Variants in PCDHGB1 observed in about 807,000 individuals in gnomAD.
PCDHGB1 encodes the protein protocadherin gamma subfamily B, 1.
In PCDHGB1, 34 loss-of-function variants were observed where a neutral mutation model predicts 56.6. The observed-to-expected ratio is 0.60, with a 90% CI of 0.46 to 0.80. The LOEUF (loss-of-function observed/expected upper bound fraction) is 0.80, where lower values mean the gene tolerates loss of function less well. PCDHGB1 is among the 30% of genes least tolerant of loss of function. The pLI is 0.00. For missense variants in PCDHGB1, 1,278 were observed against 1,204.6 expected, an observed-to-expected ratio of 1.06 and a Z score of -0.90; for synonymous variants, 561 against 505.9, an observed-to-expected ratio of 1.11 and a Z score of -1.46.
intron 1 of PCDHGB1, chr5:141,426,597 T>C (rs2096946172): frequency 2.6e-6 from 1 of 377,476 alleles, no homozygotes. Context: ...TGTCATACCC[T>C]TAGAGATTGT....
In PCDHGB1 at chr5:141,486,336, G is replaced by A. The variant is rs534793835; in HGVS notation, c.2410-8471G>A. 3.8e-5 allele frequency: 61 copies of A among 1,613,992 alleles called. No individual in the cohort carries two copies. In the African/African-American group the frequency reaches 4.3e-4, roughly 11 times the overall value. On this transcript the variant is annotated intron_variant, in intron 1 of 3. Coordinates refer to ENST00000523390, the MANE Select transcript of PCDHGB1 (RefSeq NM_018922.3). The surrounding 1 kb of genome is among the most constrained non-coding windows in gnomAD (Gnocchi z 5.0). The stretch of plus-strand genomic sequence containing the variant: ...GGGTCAAACGGAGATGTGAGCCTCC[G>A]CATTCCTGACCACTTGCCATTTGCC...
Position 141,389,558 on chromosome 5 carries a change from A to G in PCDHGB1, c.2409+36889A>G, listed in dbSNP as rs778077135. 14 of 1,613,148 alleles carry G rather than the reference A, an allele frequency of 8.7e-6. No individual in the cohort carries two copies. The East Asian group carries it at 8.9e-5, about 10-fold the overall frequency. ...TGGACGACCGCAACGACAATGCGCC[A>G]CGGGTGCTGTACCCCGCGCTGGGTC... On this transcript the variant is annotated intron_variant, in intron 1 of 3. Transcript: ENST00000523390.
At chr5:141,371,248 G>T in intron 1 of PCDHGB1, 1 of 1,614,024 alleles carries the variant, frequency 6.2e-7, no homozygotes, top group East Asian at 2.2e-5. Context: ...ATCAATATTG[G>T]CAAGGAAGTG....
chr5:141,500,104 T>C (rs917633032), intron 2 of PCDHGB1, among the ~76,000 whole-genome samples: 1 of 152,124 alleles, frequency 6.6e-6, no homozygotes, highest in Non-Finnish European at 1.5e-5. Context: ...AATTTATTTG[T>C]TGAATCCCTG....
In PCDHGB1 at chr5:141,350,915, C is replaced by G; in HGVS notation, c.655C>G (p.Leu219Val). The G allele has an allele frequency of 6.2e-7, 1 of 1,614,100 alleles. No homozygotes were observed. The highest frequency in any genetic ancestry group is 1.6e-4 in the Middle Eastern group (1 of 6,062). Residue 219 changes from leucine (L) to valine (V), a missense_variant, in exon 1 of 4, where the codon CTA becomes GTA. Transcript: ENST00000523390. ...LTAMDGGDPP[L>V]SGTTHIWIRV... ...TGCCATGGATGGCGGGGACCCGCCT[C>G]TAAGCGGCACCACCCATATCTGGAT...
Position 141,418,242 on chromosome 5 carries a change from A to T in PCDHGB1, c.2409+65573A>T, listed in dbSNP as rs779996033. ...ATTGTGGTGATTGAGGATGTTAATG[A>T]CCACGCCCCTCAATTCCGGAAAGAT... On this transcript the variant is annotated intron_variant, in intron 1 of 3. Transcript: ENST00000523390. The T allele has an allele frequency of 3.7e-6, 6 of 1,613,896 alleles. No individual in the cohort carries two copies. The East Asian group carries it at 1.3e-4, about 36-fold the overall frequency.
chr5:141,495,644 A>C (rs767670166), intron 2 of PCDHGB1, among the ~76,000 whole-genome samples: 1 of 151,770 alleles, frequency 6.6e-6, no homozygotes, highest in African/African-American at 2.4e-5. Flanking sequence ...TCATTTGTCT[A>C]CTTGCATTGA....
At chr5:141,427,722 G>C (rs755543438) in intron 1 of PCDHGB1, 7 of 1,120,986 alleles carry the variant, frequency 6.2e-6, no homozygotes, top group Non-Finnish European at 9.3e-6. Context: ...CCTGGACCTA[G>C]GGCTGAATGG....
chr5:141,352,044 G>T lies in PCDHGB1; in HGVS notation c.1784G>T (p.Gly595Val). Residue 595 changes from glycine to valine, a missense_variant, in exon 1 of 4, where the codon GGA becomes GTA. Physicochemically the swap from Gly to Val is moderately radical, Grantham distance 109. Coordinates refer to ENST00000523390, the MANE Select transcript of PCDHGB1 (RefSeq NM_018922.3). Reference sequence around the variant, plus strand: ...GTGGTGGCGGTGGACGCAGACTCAGGACACAACGCTTGGCTGTCCTACCAC... The same window carrying T: ...GTGGTGGCGGTGGACGCAGACTCAGTACACAACGCTTGGCTGTCCTACCAC... ...TKVVAVDADS[G>V]HNAWLSYHVL... 1 of 1,608,010 alleles carries T rather than the reference G, an allele frequency of 6.2e-7. No homozygotes were observed. The highest frequency in any genetic ancestry group is 8.5e-7 in the Non-Finnish European group (1 of 1,178,580).
rs191642740 is a variant in PCDHGB1 at position 141,509,833 on chromosome 5, C to T, written c.2558-1114C>T. On this transcript the variant is annotated intron_variant, in intron 3 of 3. Coordinates refer to ENST00000523390, the MANE Select transcript of PCDHGB1 (RefSeq NM_018922.3). ...GAGCTCTTCTCCATCTTCTCTCTAC[C>T]TCCCATTCACTCAGAACAGGGATAA... 2.6e-5 allele frequency among the ~76,000 whole-genome samples: 4 copies of T among 152,300 alleles called. No individual in the cohort carries two copies. The East Asian group carries it at 7.7e-4, about 29-fold the overall frequency.
intron 2 of PCDHGB1, among the ~76,000 whole-genome samples, chr5:141,501,876 C>T (rs1463329895): frequency 6.6e-6 from 1 of 152,118 alleles, no homozygotes; most frequent in East Asian, 1.9e-4. Context: ...CGCCTCCTTA[C>T]ACTCCTGATC....
chr5:141,409,666 C>T, intron 1 of PCDHGB1: 3 of 1,613,554 alleles, frequency 1.9e-6, no homozygotes, highest in Non-Finnish European at 2.5e-6. Flanking sequence ...GCCACATCTC[C>T]TACTCTATAG....
At chr5:141,484,315 C>T (rs1172379949) in intron 1 of PCDHGB1, among the ~76,000 whole-genome samples, 2 of 152,326 alleles carry the variant, frequency 1.3e-5, no homozygotes, top group African/African-American at 4.8e-5. Context: ...ACCCCGCTTC[C>T]ATACTGTCCT....
intron 1 of PCDHGB1, chr5:141,408,379 G>C: frequency 6.2e-7 from 1 of 1,614,032 alleles, no homozygotes; most frequent in South Asian, 1.1e-5. Context: ...TCAGTGTCCT[G>C]GATGTGTCGG....
intron 1 of PCDHGB1, chr5:141,362,562 C>T (rs1762569349): frequency 6.2e-7 from 1 of 1,608,438 alleles, no homozygotes; most frequent in Non-Finnish European, 8.5e-7. Context: ...TGAAGGTGAG[C>T]TTTAATTAAT....
chr5:141,450,900 C>T (rs907024071), intron 1 of PCDHGB1, among the ~76,000 whole-genome samples: 9 of 151,048 alleles, frequency 6.0e-5, no homozygotes, highest in Non-Finnish European at 1.2e-4. Flanking sequence ...TATCGGCTCA[C>T]TGCAACCGCT....
Position 141,431,625 on chromosome 5 carries a change from C to T in PCDHGB1, c.2410-63182C>T. The T allele has an allele frequency of 6.2e-7, 1 of 1,614,224 alleles. No individual in the cohort carries two copies. Among genetic ancestry groups the T allele is most frequent in the South Asian group, 1.1e-5 (1 of 91,082 alleles). On this transcript the variant is annotated intron_variant, in intron 1 of 3. Transcript: ENST00000523390. This position sits in a 1 kb window ranked among gnomAD's most constrained non-coding sequence, Gnocchi z 4.8. Reference sequence around the variant, plus strand: ...TTCCGGTATGTGGACGACAAGGCGGCCCAAGTTTTCAAACTAGATTGTAAT... The same window carrying T: ...TTCCGGTATGTGGACGACAAGGCGGTCCAAGTTTTCAAACTAGATTGTAAT...
chr5:141,394,701 C>G lies in PCDHGB1; in HGVS notation c.2409+42032C>G, dbSNP rs375281416. 1.9e-6 allele frequency: 3 copies of G among 1,613,162 alleles called. No homozygotes were observed. Among genetic ancestry groups the G allele is most frequent in the Non-Finnish European group, 2.5e-6 (3 of 1,179,880 alleles). ...GCACACGGGCGAGGTGCGCACGGCG[C>G]GAGCCCTGCTGGACAGAGATGCGCT... is the stretch of plus-strand genomic sequence containing the variant. On this transcript the variant is annotated intron_variant, in intron 1 of 3. Transcript: ENST00000523390.
intron 1 of PCDHGB1, among the ~76,000 whole-genome samples, chr5:141,443,812 G>A (rs1441798548): frequency 6.6e-6 from 1 of 151,990 alleles, no homozygotes; most frequent in Admixed American, 6.6e-5. Flanking sequence ...AGTTACCTTT[G>A]GAAAACATAA....
Sources: allele counts gnomAD v4.1 joint callset (sites outside exome capture counted in the v4.1 genomes callset), GRCh38; gene constraint gnomAD v4.1.1; non-coding constraint Gnocchi (gnomAD v3.1); transcripts MANE v1.5; gene names NCBI Gene and HGNC (gene_info 2026-07-23, HGNC 2026-07-21).